Variants in TMTC1 observed in about 807,000 individuals in gnomAD.
The protein encoded by TMTC1 is transmembrane O-mannosyltransferase targeting cadherins 1.
TMTC1 carries 73 observed loss-of-function variants against 104.8 expected under a neutral mutation model. The ratio of observed to expected loss-of-function variants is 0.70; its 90% confidence interval spans 0.58 to 0.85. TMTC1 has a LOEUF of 0.85. Ranked by LOEUF, TMTC1 falls within the 40% of genes least tolerant of loss-of-function variation. The probability of loss-of-function intolerance (pLI) is 0.00; values close to 1 mark genes in which losing one functional copy is unlikely to be tolerated. For missense variants in TMTC1, 1,035 were observed against 1,096.1 expected (o/e 0.94, Z 0.79); for synonymous variants, 434 against 428.7 (o/e 1.01, Z -0.15).
At chr12:29,737,137 C>A (rs188396091) in intron 5 of TMTC1, among the ~76,000 whole-genome samples, 1 of 152,240 alleles carries the variant, frequency 6.6e-6, no homozygotes, top group Non-Finnish European at 1.5e-5. Context: ...AAGTGCTGAG[C>A]CGGGTGCTCT....
intron 6 of TMTC1, among the ~76,000 whole-genome samples, chr12:29,605,834 A>T (rs1946683351): frequency 1.3e-5 from 2 of 152,124 alleles, no homozygotes; most frequent in South Asian, 4.1e-4. Context: ...CGTACCCAAT[A>T]GCAAGTTTTT....
intron 10 of TMTC1, among the ~76,000 whole-genome samples, chr12:29,549,147 C>T (rs1055239424): frequency 6.6e-6 from 1 of 150,618 alleles, no homozygotes; most frequent in Non-Finnish European, 1.5e-5. Flanking sequence ...TGTAAACAAA[C>T]AAGTATCCAC....
At chr12:29,644,111 A>ATAAATATAAATATATAAATATATATG (rs757885865) in intron 5 of TMTC1, among the ~76,000 whole-genome samples, 1 of 74,462 alleles carries the variant, frequency 1.3e-5, no homozygotes, top group Non-Finnish European at 2.5e-5. Context: ...ATAAATATAT[A>ATAAATATAAATATATAAATATATATG]TGTGTGTGTG....
At position 29,548,841 on chromosome 12, in the gene TMTC1, TCTAAA is replaced by T. The variant is rs1592213787; in HGVS notation, c.1676+8011_1676+8015del. Among the ~76,000 whole-genome samples the T allele has an allele frequency of 2.9e-3, 15 of 5,208 alleles. No homozygotes were observed. The East Asian group carries it at 0.064, about 22-fold the overall frequency. The allele number at this position is 5,208 out of a possible 152,430, so 3.4% of individuals were successfully genotyped here. The stretch of plus-strand genomic sequence containing the variant: ...ATATATTGCTTGATTATATCACTTA[TCTAAA>T]ATATATAATATATAAATATATAAAT... On this transcript the variant is annotated intron_variant, in intron 10 of 17. Coordinates refer to ENST00000539277, the MANE Select transcript of TMTC1 (RefSeq NM_001193451.2).
chr12:29,641,032 A>G (rs1591843068), intron 5 of TMTC1: 1 of 152,080 alleles, frequency 6.6e-6, no homozygotes, highest in East Asian at 1.9e-4. Flanking sequence ...TCCTACATAC[A>G]CAATTCCAGT....
At chr12:29,571,922 A>G (rs1049921935) in intron 9 of TMTC1, among the ~76,000 whole-genome samples, 183 bp downstream of exon 9, 1 of 152,274 alleles carries the variant, frequency 6.6e-6, no homozygotes, top group African/African-American at 2.4e-5. Flanking sequence ...GAGTTATTGC[A>G]TTAATAGCAG....
chr12:29,634,047 C>T (rs569844708), intron 5 of TMTC1, among the ~76,000 whole-genome samples: 1 of 152,306 alleles, frequency 6.6e-6, no homozygotes, highest in Admixed American at 6.5e-5. Context: ...TTGTCCAAAT[C>T]TCTGCATTAG....
chr12:29,598,969 C>T (rs1263803994), intron 7 of TMTC1, among the ~76,000 whole-genome samples: 1 of 152,140 alleles, frequency 6.6e-6, no homozygotes, highest in Non-Finnish European at 1.5e-5. Flanking sequence ...TTGTTTCTGC[C>T]CTCACTTATT....
intron 1 of TMTC1, among the ~76,000 whole-genome samples, chr12:29,781,053 T>C (rs1023841443): frequency 3.3e-5 from 5 of 152,242 alleles, no homozygotes; most frequent in African/African-American, 9.6e-5. Flanking sequence ...TACGGCTTTC[T>C]GTCCTTCCTT....
intron 10 of TMTC1, among the ~76,000 whole-genome samples, chr12:29,541,886 T>G (rs981029099): frequency 6.6e-6 from 1 of 152,100 alleles, no homozygotes; most frequent in Non-Finnish European, 1.5e-5. Context: ...CTCAATCTCT[T>G]GACCTCGTGA....
chr12:29,520,454 A>C (rs1944116375), intron 12 of TMTC1, among the ~76,000 whole-genome samples, 164 bp downstream of exon 12: 1 of 152,210 alleles, frequency 6.6e-6, no homozygotes, highest in Non-Finnish European at 1.5e-5. Context: ...ATCGAGCTTG[A>C]AGATCTAGAG....
Position 29,783,920 on chromosome 12 carries a change from A to T in TMTC1, c.-169T>A. ...CGCTCCGCCGCCGCCTGCGCCGCGG[A>T]GTTGGCCCAGCTGCAAATAAACAGC... On this transcript the variant is annotated 5_prime_UTR_variant, in exon 1 of 18. Coordinates refer to ENST00000539277, the MANE Select transcript of TMTC1 (RefSeq NM_001193451.2). This position sits in a 1 kb window ranked among gnomAD's most constrained non-coding sequence, Gnocchi z 4.7. The T allele has an allele frequency of 1.8e-6, 1 of 548,018 alleles. No individual in the cohort carries two copies. The allele number at this position is 548,018 out of a possible 1,614,324, so 33.9% of individuals were successfully genotyped here.
At chr12:29,557,525 A>T (rs1359334414) in intron 9 of TMTC1, among the ~76,000 whole-genome samples, 1 of 152,258 alleles carries the variant, frequency 6.6e-6, no homozygotes, top group East Asian at 1.9e-4. Flanking sequence ...ATCTTGGCTC[A>T]CTGCAACCCC....
At chr12:29,718,888 G>A (rs1225815829) in intron 5 of TMTC1, among the ~76,000 whole-genome samples, 16 of 146,156 alleles carry the variant, frequency 1.1e-4, no homozygotes, top group African/African-American at 3.9e-4. Context: ...AGCTGAGATC[G>A]CGCCACTGCA....
intron 10 of TMTC1, among the ~76,000 whole-genome samples, chr12:29,542,326 C>T (rs567687218): frequency 9.2e-5 from 14 of 152,188 alleles, no homozygotes; most frequent in Non-Finnish European, 1.9e-4. Flanking sequence ...TCAACCGGCA[C>T]TGATGGAACT....
chr12:29,651,037 C>T (rs540934447), intron 5 of TMTC1, among the ~76,000 whole-genome samples: 4 of 152,138 alleles, frequency 2.6e-5, no homozygotes, highest in East Asian at 1.9e-4. Context: ...CTGAGGCACA[C>T]GGGGGGCTAC....
Position 29,633,178 on chromosome 12 carries a change from A to G in TMTC1, c.1097T>C (p.Leu366Ser), listed in dbSNP as rs762572932. 29 of 1,613,912 alleles carry G rather than the reference A, an allele frequency of 1.8e-5. No individual in the cohort carries two copies. The highest frequency in any genetic ancestry group is 6.7e-5 in the Admixed American group (4 of 59,986). ...ATIFLAVVMALLSLHCLAAFK... is the reference protein window; with the variant it reads ...ATIFLAVVMASLSLHCLAAFK... ...GGCTGCTAAGCAGTGCAGGCTCAAT[A>G]AGGCCATCACAACCGCCAGAAAGAT... The change falls in exon 6 of 18, where the codon TTA becomes TCA. Residue 366 changes from leucine (L) to serine (S), a missense_variant. Physicochemically the swap from Leu to Ser is moderately radical, Grantham distance 145. Coordinates refer to ENST00000539277, the MANE Select transcript of TMTC1 (RefSeq NM_001193451.2).
chr12:29,517,756 C>T lies in TMTC1; in HGVS notation c.2025-185G>A, dbSNP rs967024902. ...TTTGAGACAGAGTCTCACTCTGTCA[C>T]CCAGGCTGGAGTGCAGTGGCACAAT... is the stretch of plus-strand genomic sequence containing the variant. On this transcript the variant is annotated intron_variant, in intron 13 of 17. Transcript: ENST00000539277. Among the ~76,000 whole-genome samples, 4 of 152,010 alleles carry T rather than the reference C, an allele frequency of 2.6e-5. No individual in the cohort carries two copies. The South Asian group carries it at 8.3e-4, about 32-fold the overall frequency.
At chr12:29,738,959 C>T (rs183367432) in intron 5 of TMTC1, among the ~76,000 whole-genome samples, 6 of 152,312 alleles carry the variant, frequency 3.9e-5, no homozygotes, top group Non-Finnish European at 7.4e-5. Context: ...AAACAAAATA[C>T]TGAGCTTTCA....
Sources: allele counts gnomAD v4.1 joint callset (sites outside exome capture counted in the v4.1 genomes callset), GRCh38; gene constraint gnomAD v4.1.1; non-coding constraint Gnocchi (gnomAD v3.1); transcripts MANE v1.5; gene names NCBI Gene and HGNC (gene_info 2026-07-23, HGNC 2026-07-21).